Variants in GPC6 observed in about 807,000 individuals in gnomAD.
The protein encoded by GPC6 is glypican 6.
GPC6 carries 14 observed loss-of-function variants against 55.2 expected under a neutral mutation model. That is an observed-to-expected ratio of 0.25 (90% CI 0.17 to 0.40). GPC6 has a LOEUF of 0.40. GPC6 is among the 10% of genes least tolerant of loss of function. The pLI is 1.00. For missense variants in GPC6, 641 were observed against 708.5 expected (o/e 0.90, Z 1.08); for synonymous variants, 278 against 259.6 (o/e 1.07, Z -0.68).
chr13:93,258,378 G>A (rs1449403039), intron 1 of GPC6, among the ~76,000 whole-genome samples: 1 of 152,144 alleles, frequency 6.6e-6, no homozygotes, highest in African/African-American at 2.4e-5. Flanking sequence ...AGTGCTGAGG[G>A]TCAGGAATAG....
intron 6 of GPC6, among the ~76,000 whole-genome samples, chr13:94,359,367 C>T (rs1878950363): frequency 6.6e-6 from 1 of 152,100 alleles, no homozygotes; most frequent in African/African-American, 2.4e-5. Context: ...ATCACCATGG[C>T]ATAGTATAAA....
At chr13:93,290,900 A>G (rs1293918430) in intron 1 of GPC6, among the ~76,000 whole-genome samples, 1 of 152,170 alleles carries the variant, frequency 6.6e-6, no homozygotes, top group Non-Finnish European at 1.5e-5. Flanking sequence ...ATTATGTTAA[A>G]AAGTGTATTC....
chr13:94,248,804 T>C (rs1891271834), intron 4 of GPC6, among the ~76,000 whole-genome samples: 1 of 152,096 alleles, frequency 6.6e-6, no homozygotes, highest in South Asian at 2.1e-4. Context: ...GATATTGAAG[T>C]ACTATTGAAT....
At chr13:93,723,191 G>C (rs374274742) in intron 2 of GPC6, among the ~76,000 whole-genome samples, 15 of 151,914 alleles carry the variant, frequency 9.9e-5, no homozygotes, top group African/African-American at 2.9e-4. Flanking sequence ...ACAGTGCATT[G>C]TTGTAGGTAG....
intron 2 of GPC6, among the ~76,000 whole-genome samples, chr13:93,617,982 C>T (rs1037202191): frequency 2.0e-5 from 3 of 151,896 alleles, no homozygotes; most frequent in Admixed American, 1.3e-4. Context: ...TTTGTATTTC[C>T]CATAAAAAAT....
At chr13:93,500,651 T>C (rs1880486492) in intron 1 of GPC6, among the ~76,000 whole-genome samples, 1 of 152,182 alleles carries the variant, frequency 6.6e-6, no homozygotes, top group Admixed American at 6.5e-5. Context: ...GAAATATTTT[T>C]TAAAGTTTTT....
At chr13:93,372,590 T>G (rs954736820) in intron 1 of GPC6, among the ~76,000 whole-genome samples, 1 of 152,202 alleles carries the variant, frequency 6.6e-6, no homozygotes, top group Admixed American at 6.6e-5. Context: ...ATTCTATTAC[T>G]TTATTCATAG....
intron 2 of GPC6, among the ~76,000 whole-genome samples, chr13:93,566,734 G>A (rs553895496): frequency 6.6e-6 from 1 of 151,562 alleles, no homozygotes. Flanking sequence ...CCCTTGACAG[G>A]CCCTGGTGTG....
chr13:93,469,544 G>A (rs1288906005), intron 1 of GPC6, among the ~76,000 whole-genome samples: 1 of 152,080 alleles, frequency 6.6e-6, no homozygotes, highest in Non-Finnish European at 1.5e-5. Context: ...ACTCCAGATT[G>A]GAGTGGCCAT....
chr13:94,171,833 G>A (rs1392392695), intron 4 of GPC6, among the ~76,000 whole-genome samples: 1 of 152,110 alleles, frequency 6.6e-6, no homozygotes, highest in Non-Finnish European at 1.5e-5. Flanking sequence ...ACAGTGATCT[G>A]GAAGGAAGGA....
At chr13:93,530,785 C>T (rs940361496) in intron 1 of GPC6, among the ~76,000 whole-genome samples, 1 of 152,118 alleles carries the variant, frequency 6.6e-6, no homozygotes. Flanking sequence ...ATCTGTCATA[C>T]CTGCCTGGAG....
At chr13:94,272,542 C>T (rs1892070852) in intron 4 of GPC6, among the ~76,000 whole-genome samples, 1 of 141,984 alleles carries the variant, frequency 7.0e-6, no homozygotes, top group Non-Finnish European at 1.5e-5. Context: ...CATCTCAGCT[C>T]ACTGCAAGCT....
intron 2 of GPC6, among the ~76,000 whole-genome samples, chr13:93,810,028 A>G (rs1446066951): frequency 2.0e-5 from 3 of 152,144 alleles, no homozygotes; most frequent in Middle Eastern, 3.4e-3. Flanking sequence ...CACCCATCCA[A>G]AAAACTTTGT....
intron 1 of GPC6, among the ~76,000 whole-genome samples, chr13:93,303,696 T>C (rs930146963): frequency 2.0e-5 from 3 of 152,120 alleles, no homozygotes; most frequent in Middle Eastern, 6.8e-3. Context: ...TTAGATAATT[T>C]AATAATGGAT....
chr13:93,296,127 T>C (rs1009952530), intron 1 of GPC6, among the ~76,000 whole-genome samples: 1 of 152,226 alleles, frequency 6.6e-6, no homozygotes, highest in South Asian at 2.1e-4. Flanking sequence ...ATATTCAGCC[T>C]GTAGCACTTC....
intron 1 of GPC6, among the ~76,000 whole-genome samples, chr13:93,496,581 A>G (rs34284652): frequency 0.26 from 38,878 of 152,074 alleles, 5,283 homozygotes; most frequent in East Asian, 0.37. Context: ...GTTAATCAAA[A>G]ATTTTAAAGC....
intron 4 of GPC6, among the ~76,000 whole-genome samples, chr13:94,259,654 A>C (rs1466167565): frequency 6.6e-6 from 1 of 151,890 alleles, no homozygotes; most frequent in Non-Finnish European, 1.5e-5. Flanking sequence ...ATAATTCCCC[A>C]TTTCCCTGTT....
intron 4 of GPC6, among the ~76,000 whole-genome samples, chr13:94,185,164 A>G (rs774165337): frequency 6.6e-6 from 1 of 151,504 alleles, no homozygotes; most frequent in African/African-American, 2.4e-5. Flanking sequence ...GAAAGGGGAT[A>G]GGGTCAAAAA....
intron 2 of GPC6, among the ~76,000 whole-genome samples, chr13:93,621,446 T>G (rs1313898384): frequency 1.3e-5 from 2 of 152,186 alleles, no homozygotes; most frequent in Non-Finnish European, 2.9e-5. Context: ...GGTAGCCATG[T>G]TTCTCAAACT....
Sources: allele counts gnomAD v4.1 joint callset (sites outside exome capture counted in the v4.1 genomes callset), GRCh38; gene constraint gnomAD v4.1.1; transcripts MANE v1.5; gene names NCBI Gene and HGNC (gene_info 2026-07-23, HGNC 2026-07-21).